Variants in PDE3A observed in about 807,000 individuals in gnomAD.
PDE3A encodes the protein cGMP-inhibited 3',5'-cyclic phosphodiesterase 3A.
In PDE3A, 43 loss-of-function variants were observed where a neutral mutation model predicts 98.3. That is an observed-to-expected ratio of 0.44 (90% CI 0.34 to 0.56). The LOEUF is 0.56. PDE3A is among the 20% of genes least tolerant of loss of function. The probability of loss-of-function intolerance (pLI) is 0.01; values close to 1 mark genes in which losing one functional copy is unlikely to be tolerated. For synonymous variants in PDE3A, 663 were observed against 567.9 expected, an observed-to-expected ratio of 1.17 and a Z score of -2.38; for missense variants, 1,427 against 1,440.7, an observed-to-expected ratio of 0.99 and a Z score of 0.15.
intron 8 of PDE3A, among the ~76,000 whole-genome samples, chr12:20,635,525 C>T (rs1944484714): frequency 6.7e-6 from 1 of 150,346 alleles, no homozygotes; most frequent in Non-Finnish European, 1.5e-5. Context: ...TTGCAGTGAG[C>T]CAAGATCGTG....
chr12:20,381,607 G>A (rs1249520542), intron 1 of PDE3A, among the ~76,000 whole-genome samples: 3 of 151,748 alleles, frequency 2.0e-5, no homozygotes, highest in African/African-American at 4.8e-5. Flanking sequence ...AGGTCCTAAT[G>A]CTATTCACGA....
intron 1 of PDE3A, among the ~76,000 whole-genome samples, chr12:20,486,839 G>T (rs930306345): frequency 6.6e-6 from 1 of 152,174 alleles, no homozygotes; most frequent in Non-Finnish European, 1.5e-5. Context: ...TCACCCTGTT[G>T]GCCAGGCTGG....
intron 2 of PDE3A, among the ~76,000 whole-genome samples, chr12:20,572,677 A>G (rs1181414992): frequency 1.3e-5 from 2 of 152,040 alleles, no homozygotes; most frequent in Non-Finnish European, 2.9e-5. Flanking sequence ...AATATATAAT[A>G]CCCCGTCACA....
chr12:20,505,736 T>G (rs1350085787), intron 1 of PDE3A, among the ~76,000 whole-genome samples: 1 of 152,108 alleles, frequency 6.6e-6, no homozygotes, highest in Non-Finnish European at 1.5e-5. Flanking sequence ...ATGTGAAACT[T>G]TAATACCTAA....
Position 20,369,239 on chromosome 12 carries a change from G to A in PDE3A, c.-46G>A. 1 of 1,414,206 alleles carries A rather than the reference G, an allele frequency of 7.1e-7. No homozygotes were observed. The highest frequency in any genetic ancestry group is 9.4e-7 in the Non-Finnish European group (1 of 1,061,006). The allele number at this position is 1,414,206 out of a possible 1,614,324, so 87.6% of individuals were successfully genotyped here. A position where few individuals can be genotyped will look rare whatever the true frequency, so the allele number is the denominator to read the frequency against. On this transcript the variant is annotated 5_prime_UTR_variant, in exon 1 of 16. Transcript: ENST00000359062. The stretch of plus-strand genomic sequence containing the variant: ...CGCGCGCGCGTGGGTCGGGGCGGGG[G>A]CGTCGGGGGGCCACTGGGAATTCAG...
chr12:20,673,300 C>T (rs1945541404), intron 15 of PDE3A, among the ~76,000 whole-genome samples: 1 of 150,246 alleles, frequency 6.7e-6, no homozygotes, highest in South Asian at 2.1e-4. Context: ...GGCGATTCCT[C>T]AGGGATCTAG....
intron 1 of PDE3A, among the ~76,000 whole-genome samples, chr12:20,452,694 G>A (rs1945087041): frequency 6.6e-6 from 1 of 152,154 alleles, no homozygotes; most frequent in Non-Finnish European, 1.5e-5. Flanking sequence ...AACCCACCTG[G>A]GGGAATGCTG....
chr12:20,542,944 G>A (rs1248009966), intron 1 of PDE3A, among the ~76,000 whole-genome samples: 1 of 151,958 alleles, frequency 6.6e-6, no homozygotes, highest in South Asian at 2.1e-4. Flanking sequence ...AACAGGTGAA[G>A]AGCTAGAAAT....
Position 20,472,966 on chromosome 12 carries a change from T to G in PDE3A, c.961-83694T>G, listed in dbSNP as rs114472013. ...TCTGTTTGAATTAACATATTGTAAA[T>G]GATACTCAATATATACATATTGTAT... On this transcript the variant is annotated intron_variant, in intron 1 of 15. Transcript: ENST00000359062. Among the ~76,000 whole-genome samples, 552 of 152,252 alleles carry G rather than the reference T, an allele frequency of 3.6e-3. 5 individuals carry two copies. The highest frequency in any genetic ancestry group is 0.012 in the African/African-American group (516 of 41,558).
chr12:20,467,326 C>A (rs1464091596), intron 1 of PDE3A, among the ~76,000 whole-genome samples: 1 of 149,248 alleles, frequency 6.7e-6, no homozygotes, highest in East Asian at 2.0e-4. Context: ...GTTTGTATAT[C>A]TAGGAATCTT....
At chr12:20,459,447 G>T (rs1945210963) in intron 1 of PDE3A, among the ~76,000 whole-genome samples, 1 of 151,992 alleles carries the variant, frequency 6.6e-6, no homozygotes, top group East Asian at 1.9e-4. Flanking sequence ...TATGTTATGT[G>T]TATAAAGTAA....
At chr12:20,372,430 G>A (rs1943492235) in intron 1 of PDE3A, among the ~76,000 whole-genome samples, 2 of 152,042 alleles carry the variant, frequency 1.3e-5, no homozygotes. Context: ...GCGTGTCACT[G>A]AAGACTGGTT....
chr12:20,643,686 T>C (rs568004011), intron 10 of PDE3A, among the ~76,000 whole-genome samples: 4 of 152,302 alleles, frequency 2.6e-5, no homozygotes, highest in Non-Finnish European at 5.9e-5. Flanking sequence ...TGTTTAAATA[T>C]ACATACTGTC....
Position 20,646,787 on chromosome 12 carries a change from A to G in PDE3A, c.2402A>G (p.Tyr801Cys). ...GGATTTACACATGGACATATGGGAT[A>G]TGTATTCTCAAAAACGTATAATGTG... ...DSGFTHGHMG[Y>C]VFSKTYNVTD... is the part of the protein sequence containing the mutation. The change falls in exon 12 of 16, where the codon TAT becomes TGT. Residue 801 changes from tyrosine (Y) to cysteine (C), a missense_variant. This residue lies in a region of PDE3A where 273 missense variants were observed against 420.3 expected (regional missense o/e 0.65). Transcript: ENST00000359062. 1 of 1,610,302 alleles carries G rather than the reference A, an allele frequency of 6.2e-7. No homozygotes were observed. Among genetic ancestry groups the G allele is most frequent in the Non-Finnish European group, 8.5e-7 (1 of 1,176,564 alleles).
At position 20,374,510 on chromosome 12, in the gene PDE3A, G is replaced by T. The variant is rs1001503107; in HGVS notation, c.960+4266G>T. Among the ~76,000 whole-genome samples, 4 of 152,092 alleles carry T rather than the reference G, an allele frequency of 2.6e-5. No individual in the cohort carries two copies. In the East Asian group the frequency reaches 7.7e-4, roughly 29 times the overall value. On this transcript the variant is annotated intron_variant, in intron 1 of 15. Transcript: ENST00000359062. ...AAAAGCCTTGGGGGAGGGGGTGCAG[G>T]CAGGCAAGGGTGAGTGACACTGGCA... is the stretch of plus-strand genomic sequence containing the variant.
chr12:20,416,417 T>G (rs938272850), intron 1 of PDE3A, among the ~76,000 whole-genome samples: 1 of 152,168 alleles, frequency 6.6e-6, no homozygotes, highest in Non-Finnish European at 1.5e-5. Flanking sequence ...TGTGAATGCA[T>G]GTGTGTGTAT....
At chr12:20,633,181 C>A (rs912013056) in intron 6 of PDE3A, among the ~76,000 whole-genome samples, 1 of 152,090 alleles carries the variant, frequency 6.6e-6, no homozygotes, top group Admixed American at 6.6e-5. Context: ...GAACTCCTGA[C>A]CTCAGGTGGT....
chr12:20,505,662 T>C (rs375769195), intron 1 of PDE3A, among the ~76,000 whole-genome samples: 3 of 152,136 alleles, frequency 2.0e-5, no homozygotes, highest in Non-Finnish European at 2.9e-5. Context: ...CTTTTTTGAA[T>C]GGCAGTGTTA....
At chr12:20,585,645 AATGAG>A (rs10555896) in intron 2 of PDE3A, among the ~76,000 whole-genome samples, 84,694 of 151,302 alleles carry the variant, frequency 0.56, 23,675 homozygotes, top group Admixed American at 0.63. Flanking sequence ...TTCATTATTA[AATGAG>A]ATAATTTGTG....
Sources: allele counts gnomAD v4.1 joint callset (sites outside exome capture counted in the v4.1 genomes callset), GRCh38; gene constraint gnomAD v4.1.1; regional missense constraint gnomAD v4.1.1; transcripts MANE v1.5; gene names NCBI Gene and HGNC (gene_info 2026-07-23, HGNC 2026-07-21).